Variants in PCDHGA1 observed in about 807,000 individuals in gnomAD.
The protein encoded by PCDHGA1 is protocadherin gamma subfamily A, 1.
A neutral mutation model predicts 58.0 loss-of-function variants in PCDHGA1; 32 were observed. The ratio of observed to expected loss-of-function variants is 0.55; its 90% confidence interval spans 0.42 to 0.74. The LOEUF (loss-of-function observed/expected upper bound fraction) is 0.74. Ranked by LOEUF, PCDHGA1 falls within the 30% of genes least tolerant of loss-of-function variation. The probability of loss-of-function intolerance (pLI) is 0.00; values close to 1 mark genes in which losing one functional copy is unlikely to be tolerated. For synonymous variants in PCDHGA1, 498 were observed against 501.1 expected, an observed-to-expected ratio of 0.99 and a Z score of 0.08; for missense variants, 1,205 against 1,182.3, an observed-to-expected ratio of 1.02 and a Z score of -0.28.
At chr5:141,356,225 A>T (rs1760157547) in intron 1 of PCDHGA1, 6 of 1,596,084 alleles carry the variant, frequency 3.8e-6, no homozygotes, top group Non-Finnish European at 5.1e-6. Flanking sequence ...GATGAAAATG[A>T]CAACGCACCA....
chr5:141,389,356 C>T lies in PCDHGA1; in HGVS notation c.2421+56251C>T, dbSNP rs188323445. 2.1e-5 allele frequency: 34 copies of T among 1,613,916 alleles called. No homozygotes were observed. The Middle Eastern group carries it at 1.6e-3, about 78-fold the overall frequency. ...GGCCAAGTCTCTTACTGCATCATGG[C>T]CAGTGACCTGGAGCAGCGGGAGCTG... On this transcript the variant is annotated intron_variant, in intron 1 of 3. Transcript: ENST00000517417.
chr5:141,364,567 G>C, intron 1 of PCDHGA1: 1 of 1,614,130 alleles, frequency 6.2e-7, no homozygotes, highest in Non-Finnish European at 8.5e-7. Flanking sequence ...CCCTGAACCC[G>C]CGAAGCGGCA....
At chr5:141,403,121 C>T (rs2094357954) in intron 1 of PCDHGA1, 1 of 1,614,046 alleles carries the variant, frequency 6.2e-7, no homozygotes, top group Non-Finnish European at 8.5e-7. Context: ...TCTGGAGCCC[C>T]GGGAGCTGGC....
chr5:141,460,091 A>G (rs2098981847), intron 1 of PCDHGA1, among the ~76,000 whole-genome samples: 1 of 152,002 alleles, frequency 6.6e-6, no homozygotes, highest in Non-Finnish European at 1.5e-5. Flanking sequence ...AATAATAATT[A>G]TACATGTAAT....
At position 141,491,098 on chromosome 5, in the gene PCDHGA1, C is replaced by A. The variant is rs1283499077; in HGVS notation, c.2422-3709C>A. ...ACAGTCCACAGCCCCAGGACTGTTC[C>A]TCGTGTCTACACACACTGGTGAGGT... On this transcript the variant is annotated intron_variant, in intron 1 of 3. Coordinates refer to ENST00000517417, the MANE Select transcript of PCDHGA1 (RefSeq NM_018912.3). This position sits in a 1 kb window ranked among gnomAD's most constrained non-coding sequence, Gnocchi z 6.9. 6.2e-7 allele frequency: 1 copy of A among 1,614,216 alleles called. No individual in the cohort carries two copies. Among genetic ancestry groups the A allele is most frequent in the Non-Finnish European group, 8.5e-7 (1 of 1,180,038 alleles).
chr5:141,390,679 C>T (rs1180129734), intron 1 of PCDHGA1: 1 of 185,884 alleles, frequency 5.4e-6, no homozygotes, highest in Non-Finnish European at 1.1e-5. Flanking sequence ...AATAATAAAG[C>T]CAAAGAATTT....
chr5:141,389,463 G>C (rs1201903320), intron 1 of PCDHGA1: 1 of 1,613,192 alleles, frequency 6.2e-7, no homozygotes, highest in African/African-American at 1.3e-5. Context: ...GCGCGCCTTC[G>C]AACTCACACT....
intron 1 of PCDHGA1, chr5:141,343,458 G>T: frequency 1.2e-6 from 1 of 805,678 alleles, no homozygotes; most frequent in Non-Finnish European, 1.5e-6. Flanking sequence ...TCAAGGTTCA[G>T]TGGTGGAAGA....
At chr5:141,360,052 C>T in intron 1 of PCDHGA1, 1 of 1,436,126 alleles carries the variant, frequency 7.0e-7, no homozygotes, top group Non-Finnish European at 9.2e-7. Context: ...AAAACAAAAG[C>T]AGGAAAAGTG....
At chr5:141,414,352 T>C in intron 1 of PCDHGA1, 8 of 1,613,968 alleles carry the variant, frequency 5.0e-6, no homozygotes, top group Non-Finnish European at 6.8e-6. Flanking sequence ...CATTTTGGCG[T>C]ATCTACCATT....
intron 1 of PCDHGA1, among the ~76,000 whole-genome samples, chr5:141,449,630 T>C (rs1006977026): frequency 6.7e-6 from 1 of 150,024 alleles, no homozygotes; most frequent in South Asian, 2.1e-4. Flanking sequence ...TTTAAAAAGA[T>C]GTATCTATAT....
chr5:141,497,832 G>C (rs1326640712), intron 2 of PCDHGA1, among the ~76,000 whole-genome samples: 1 of 151,992 alleles, frequency 6.6e-6, no homozygotes, highest in East Asian at 1.9e-4. Context: ...GATCGCCCCC[G>C]GCCACAACAA....
intron 1 of PCDHGA1, among the ~76,000 whole-genome samples, chr5:141,446,891 C>T (rs1457416718): frequency 6.6e-6 from 1 of 152,152 alleles, no homozygotes; most frequent in South Asian, 2.1e-4. Context: ...GGGTTCATGG[C>T]TGAGCTACTT....
intron 1 of PCDHGA1, chr5:141,423,108 GC>G: frequency 1.2e-6 from 2 of 1,613,864 alleles, no homozygotes; most frequent in African/African-American, 2.7e-5. Flanking sequence ...CGGGCGAGGT[GC>G]GTACAGCGCG....
At chr5:141,483,100 G>A (rs1051736065) in intron 1 of PCDHGA1, among the ~76,000 whole-genome samples, 11 of 152,078 alleles carry the variant, frequency 7.2e-5, no homozygotes, top group South Asian at 2.1e-4. Flanking sequence ...AAAAGTGTGC[G>A]TGTAAAACAG....
chr5:141,335,897 GA>G (rs902123084), intron 1 of PCDHGA1, among the ~76,000 whole-genome samples: 8 of 151,798 alleles, frequency 5.3e-5, no homozygotes, highest in African/African-American at 1.5e-4. Flanking sequence ...AAACTACTCA[GA>G]AAAAAAGGAC....
At chr5:141,419,331 T>G (rs2096361475) in intron 1 of PCDHGA1, 2 of 1,613,840 alleles carry the variant, frequency 1.2e-6, no homozygotes, top group Non-Finnish European at 8.5e-7. Flanking sequence ...TCCTACTCTC[T>G]CATTGCCAGC....
chr5:141,487,397 G>C lies in PCDHGA1; in HGVS notation c.2422-7410G>C. On this transcript the variant is annotated intron_variant, in intron 1 of 3. Coordinates refer to ENST00000517417, the MANE Select transcript of PCDHGA1 (RefSeq NM_018912.3). The surrounding 1 kb of genome is among the most constrained non-coding windows in gnomAD (Gnocchi z 5.0). ...TCTCACCAGATCTCGAAGGAGGGAG[G>C]GGCTTCCCCCTTCCAATGGGATCCT... The C allele has an allele frequency of 6.2e-7, 1 of 1,614,062 alleles. No homozygotes were observed. The highest frequency in any genetic ancestry group is 8.5e-7 in the Non-Finnish European group (1 of 1,180,008).
chr5:141,448,496 G>A (rs1277705943), intron 1 of PCDHGA1, among the ~76,000 whole-genome samples: 1 of 152,024 alleles, frequency 6.6e-6, no homozygotes, highest in Non-Finnish European at 1.5e-5. Flanking sequence ...GTCCCCTGTA[G>A]GTAAACATTT....
Sources: allele counts gnomAD v4.1 joint callset (sites outside exome capture counted in the v4.1 genomes callset), GRCh38; gene constraint gnomAD v4.1.1; non-coding constraint Gnocchi (gnomAD v3.1); transcripts MANE v1.5; gene names NCBI Gene and HGNC (gene_info 2026-07-23, HGNC 2026-07-21).